CTNNA3: variants seen among roughly 807,000 people sequenced by gnomAD.
CTNNA3 encodes catenin alpha-3.
Under a neutral mutation model 95.7 loss-of-function variants are expected in CTNNA3, and 76 were observed. That is an observed-to-expected ratio of 0.79 (90% CI 0.66 to 0.96). The LOEUF (loss-of-function observed/expected upper bound fraction) is 0.96. Ranked by LOEUF, CTNNA3 falls within the 40% of genes least tolerant of loss-of-function variation. The probability of loss-of-function intolerance (pLI) is 0.00; values close to 1 mark genes in which losing one functional copy is unlikely to be tolerated. For missense variants in CTNNA3, 1,191 were observed against 1,089.8 expected, an observed-to-expected ratio of 1.09 and a Z score of -1.31; for synonymous variants, 431 against 374.4, an observed-to-expected ratio of 1.15 and a Z score of -1.74.
At chr10:65,976,790 G>T (rs2078214643) in intron 16 of CTNNA3, among the ~76,000 whole-genome samples, 1 of 151,798 alleles carries the variant, frequency 6.6e-6, no homozygotes, top group South Asian at 2.1e-4. Flanking sequence ...ATGTATTCAG[G>T]TCTTTTCCCA....
intron 7 of CTNNA3, among the ~76,000 whole-genome samples, chr10:66,820,252 T>G (rs1392199748): frequency 6.6e-6 from 1 of 152,130 alleles, no homozygotes; most frequent in Non-Finnish European, 1.5e-5. Flanking sequence ...AAGCTATGTT[T>G]TCTATTTACA....
chr10:66,074,900 G>A (rs1429107681), intron 14 of CTNNA3, among the ~76,000 whole-genome samples: 3 of 151,618 alleles, frequency 2.0e-5, no homozygotes, highest in Non-Finnish European at 3.0e-5. Context: ...CATGATAAAT[G>A]TTTGTTTGTG....
intron 7 of CTNNA3, among the ~76,000 whole-genome samples, chr10:67,109,235 T>C (rs1858799184): frequency 6.6e-6 from 1 of 152,196 alleles, no homozygotes; most frequent in Non-Finnish European, 1.5e-5. Context: ...GTTCTATTAC[T>C]ATAAAATATT....
intron 3 of CTNNA3, among the ~76,000 whole-genome samples, chr10:67,580,043 A>G (rs1020621539): frequency 6.6e-6 from 1 of 152,044 alleles, no homozygotes; most frequent in East Asian, 1.9e-4. Flanking sequence ...TGCTGTGCGG[A>G]AGCTCTTTAG....
intron 7 of CTNNA3, among the ~76,000 whole-genome samples, chr10:66,984,533 A>T (rs1242269810): frequency 6.6e-6 from 1 of 152,192 alleles, no homozygotes; most frequent in African/African-American, 2.4e-5. Context: ...AACACAACAA[A>T]GCCATGAGGA....
chr10:67,412,089 T>C (rs1415025620), intron 5 of CTNNA3, among the ~76,000 whole-genome samples: 3 of 152,158 alleles, frequency 2.0e-5, no homozygotes, highest in African/African-American at 7.2e-5. Context: ...GGCAGCAATT[T>C]GTTTAATTTG....
intron 1 of CTNNA3, among the ~76,000 whole-genome samples, chr10:67,693,405 A>G (rs1226597363): frequency 6.6e-6 from 1 of 152,236 alleles, no homozygotes; most frequent in Non-Finnish European, 1.5e-5. Context: ...AATGATCCAT[A>G]AATAAACACT....
intron 12 of CTNNA3, among the ~76,000 whole-genome samples, chr10:66,292,877 C>T (rs923899256): frequency 3.3e-5 from 5 of 152,138 alleles, no homozygotes; most frequent in Admixed American, 1.3e-4. Context: ...TCTTTCTCCT[C>T]AAAAGACCTC....
At chr10:66,589,207 T>C (rs955389384) in intron 10 of CTNNA3, among the ~76,000 whole-genome samples, 3 of 151,898 alleles carry the variant, frequency 2.0e-5, no homozygotes, top group East Asian at 3.9e-4. Context: ...ATAAGGGTCA[T>C]TGGTCACATC....
At chr10:66,453,652 C>T (rs1016085505) in intron 11 of CTNNA3, among the ~76,000 whole-genome samples, 2 of 152,120 alleles carry the variant, frequency 1.3e-5, no homozygotes, top group Admixed American at 6.5e-5. Flanking sequence ...GACTAATAAC[C>T]ACTAACATTG....
chr10:66,490,833 C>G (rs1385388625), intron 11 of CTNNA3, among the ~76,000 whole-genome samples: 1 of 152,154 alleles, frequency 6.6e-6, no homozygotes, highest in Admixed American at 6.5e-5. Context: ...CAGTATGGGT[C>G]TCTGCGTGAC....
intron 9 of CTNNA3, among the ~76,000 whole-genome samples, chr10:66,698,858 C>T (rs1048286344): frequency 1.3e-5 from 2 of 152,102 alleles, no homozygotes; most frequent in African/African-American, 2.4e-5. Context: ...ATTTATGCTT[C>T]AAGCAATGTC....
intron 12 of CTNNA3, among the ~76,000 whole-genome samples, chr10:66,378,125 T>C (rs1030150654): frequency 6.6e-6 from 1 of 152,164 alleles, no homozygotes; most frequent in Non-Finnish European, 1.5e-5. Context: ...ACTTCAGACC[T>C]AGTCTCTAGT....
intron 5 of CTNNA3, among the ~76,000 whole-genome samples, chr10:67,371,590 G>T (rs1418018627): frequency 2.0e-5 from 3 of 152,110 alleles, no homozygotes; most frequent in Non-Finnish European, 2.9e-5. Context: ...AGTATTCCAT[G>T]GTGTATATGT....
At chr10:67,084,954 T>A (rs554705789) in intron 7 of CTNNA3, among the ~76,000 whole-genome samples, 2 of 152,052 alleles carry the variant, frequency 1.3e-5, no homozygotes, top group South Asian at 2.1e-4. Flanking sequence ...GCCTTGTATG[T>A]TATAAATATC....
intron 11 of CTNNA3, among the ~76,000 whole-genome samples, chr10:66,430,688 C>T (rs1589239028): frequency 6.6e-6 from 1 of 152,156 alleles, no homozygotes; most frequent in South Asian, 2.1e-4. Context: ...GCTGGGAAAA[C>T]TGGCTAGCCA....
chr10:67,726,481 T>TGA, intron 1 of CTNNA3, among the ~76,000 whole-genome samples: 1 of 66,762 alleles, frequency 1.5e-5, no homozygotes, highest in Non-Finnish European at 2.5e-5. Flanking sequence ...ATATTATATA[T>TGA]TATATCATAT....
At chr10:66,770,768 G>T (rs533842673) in intron 8 of CTNNA3, among the ~76,000 whole-genome samples, 4 of 152,008 alleles carry the variant, frequency 2.6e-5, no homozygotes, top group Non-Finnish European at 5.9e-5. Context: ...AAGTGTTTCA[G>T]AAAGGAATCA....
At chr10:65,973,854 C>T (rs139304349) in intron 16 of CTNNA3, among the ~76,000 whole-genome samples, 96 of 152,228 alleles carry the variant, frequency 6.3e-4, no homozygotes, top group African/African-American at 1.8e-3. Context: ...CAAACACCTC[C>T]CACCAGGCCC....
Sources: allele counts gnomAD v4.1 joint callset (sites outside exome capture counted in the v4.1 genomes callset), GRCh38; gene constraint gnomAD v4.1.1; transcripts MANE v1.5; gene names NCBI Gene and HGNC (gene_info 2026-07-23, HGNC 2026-07-21).